The following USP7 variants were observed in gnomAD, a reference collection of about 807,000 sequenced individuals.
The protein encoded by USP7 is ubiquitin C-terminal hydrolase 7.
USP7 carries 9 observed loss-of-function variants against 162.9 expected under a neutral mutation model. The observed-to-expected ratio is 0.06, with a 90% CI of 0.03 to 0.10. USP7 has a LOEUF of 0.10. Ranked by LOEUF, USP7 falls within the 10% of genes least tolerant of loss-of-function variation. USP7 has a pLI of 1.00. For missense variants in USP7, 715 were observed against 1,373.7 expected, an observed-to-expected ratio of 0.52 and a Z score of 7.58; for synonymous variants, 562 against 475.9, an observed-to-expected ratio of 1.18 and a Z score of -2.35.
At chr16:8,945,444 T>C (rs927845538) in intron 1 of USP7, among the ~76,000 whole-genome samples, 2 of 152,204 alleles carry the variant, frequency 1.3e-5, no homozygotes, top group African/African-American at 2.4e-5. Context: ...AAAGGAAATC[T>C]TGTTTTATTT....
chr16:8,938,349 A>AG (rs1334237844), intron 1 of USP7, among the ~76,000 whole-genome samples: 12 of 151,858 alleles, frequency 7.9e-5, no homozygotes, highest in East Asian at 3.8e-4. Flanking sequence ...CAAAAAAAAA[A>AG]AAAGAAAGAA....
At chr16:8,938,104 TGCCA>T (rs1898851434) in intron 1 of USP7, among the ~76,000 whole-genome samples, 2 of 152,084 alleles carry the variant, frequency 1.3e-5, no homozygotes, top group African/African-American at 4.8e-5. Context: ...GCAAAGGCAC[TGCCA>T]CAAGAGGCCC....
chr16:8,922,539 A>T (rs1182941504), intron 3 of USP7, among the ~76,000 whole-genome samples: 1 of 152,074 alleles, frequency 6.6e-6, no homozygotes, highest in Non-Finnish European at 1.5e-5. Context: ...CACTCTGGGG[A>T]ACATGTTACT....
At chr16:8,914,608 G>T (rs1478137973) in intron 10 of USP7, among the ~76,000 whole-genome samples, 1 of 152,150 alleles carries the variant, frequency 6.6e-6, no homozygotes, top group Non-Finnish European at 1.5e-5. Context: ...TGTATCTCAT[G>T]AATGTGCTGG....
At chr16:8,944,648 T>C (rs1202019233) in intron 1 of USP7, among the ~76,000 whole-genome samples, 1 of 152,202 alleles carries the variant, frequency 6.6e-6, no homozygotes, top group Non-Finnish European at 1.5e-5. Context: ...TTTTTCTCTT[T>C]TGCACCATGT....
intron 12 of USP7, 103 bp from the exon 13 acceptor site, chr16:8,906,685 G>T: frequency 8.4e-7 from 1 of 1,195,396 alleles, no homozygotes; most frequent in Non-Finnish European, 1.2e-6. Context: ...ATCTTTAATA[G>T]GATAAGCATG....
intron 1 of USP7, among the ~76,000 whole-genome samples, chr16:8,933,304 T>G (rs927957010): frequency 1.5e-4 from 23 of 151,988 alleles, no homozygotes; most frequent in Non-Finnish European, 3.1e-4. Flanking sequence ...CCAGCACTTG[T>G]GGGGGGCCAA....
intron 2 of USP7, 70 bp from the exon 3 acceptor site, chr16:8,923,483 G>T: frequency 6.6e-7 from 1 of 1,514,032 alleles, no homozygotes; most frequent in South Asian, 1.2e-5. Context: ...TAATCGACAT[G>T]GAGTAAACTG....
At chr16:8,957,376 CTT>C (rs747214944) in intron 1 of USP7, among the ~76,000 whole-genome samples, 79 of 152,274 alleles carry the variant, frequency 5.2e-4, no homozygotes, top group Non-Finnish European at 6.2e-4. Context: ...TGTTACAACT[CTT>C]GTTCTCCAGG....
At position 8,963,261 on chromosome 16, in the gene USP7, G is replaced by T; in HGVS notation, c.25C>A (p.Gln9Lys). The T allele has an allele frequency of 7.4e-7, 1 of 1,359,420 alleles. No homozygotes were observed. Among genetic ancestry groups the T allele is most frequent in the South Asian group, 1.4e-5 (1 of 70,692 alleles). 84.2% of individuals were successfully genotyped at this position (1,359,420 alleles called of 1,614,324 possible). The change falls in exon 1 of 31, where the codon CAG (glutamine) becomes AAG (lysine). Residue 9 changes from glutamine to lysine, a missense_variant. Gln to Lys is a moderately conservative substitution (Grantham distance 53, BLOSUM62 1). Transcript: ENST00000344836. MNHQQQQQQQKAGEQQLSE... is the reference protein window; with the variant it reads MNHQQQQQKQKAGEQQLSE... ...AACTGCTGCTCGCCCGCTTTCTGCT[G>T]CTGCTGCTGCTGCTGGTGGTTCATG...
At position 8,923,272 on chromosome 16, in the gene USP7, C is replaced by A; in HGVS notation, c.326G>T (p.Arg109Ile). 1 of 1,484,996 alleles carries A rather than the reference C, an allele frequency of 6.7e-7. No homozygotes were observed. Among genetic ancestry groups the A allele is most frequent in the Non-Finnish European group, 9.0e-7 (1 of 1,113,422 alleles). The allele number at this position is 1,484,996 out of a possible 1,614,324, so 92.0% of individuals were successfully genotyped here. A position where few individuals can be genotyped will look rare whatever the true frequency, so the allele number is the denominator to read the frequency against. Residue 109 changes from arginine to isoleucine, a missense_variant, in exon 3 of 31, where the codon AGA becomes ATA. This residue lies in a region of USP7 where 35 missense variants were observed against 101.0 expected (regional missense o/e 0.35). Coordinates refer to ENST00000344836, the MANE Select transcript of USP7 (RefSeq NM_003470.3). ...IMVMPRFYPD[R>I]PHQKSVGFFL... Reference sequence around the variant, plus strand: ...GAATCCTACGCTTTTTTGGTGTGGTCTGTCTGGATAAAAGCGTGGCATCAC... The same window carrying A: ...GAATCCTACGCTTTTTTGGTGTGGTATGTCTGGATAAAAGCGTGGCATCAC...
At chr16:8,902,506 T>C (rs552572086) in intron 16 of USP7, 24 bp from the exon 17 acceptor site, 3 of 1,605,244 alleles carry the variant, frequency 1.9e-6, no homozygotes, top group Admixed American at 1.7e-5. Context: ...TAAGAGTAGA[T>C]TAAAATAAAA....
At chr16:8,904,348 G>C (rs553216480) in intron 15 of USP7, 87 bp downstream of exon 15, 2 of 1,561,508 alleles carry the variant, frequency 1.3e-6, no homozygotes, top group East Asian at 2.3e-5. Flanking sequence ...GGGAGTCCCA[G>C]AGGGGTGGGG....
chr16:8,900,294 C>T (rs976553788), intron 21 of USP7, among the ~76,000 whole-genome samples: 3 of 152,190 alleles, frequency 2.0e-5, no homozygotes, highest in Non-Finnish European at 4.4e-5. Flanking sequence ...CTAATAGTTG[C>T]CACGTGCACT....
At chr16:8,923,153 C>T (rs1897795715) in intron 3 of USP7, 62 bp downstream of exon 3, 3 of 278,294 alleles carry the variant, frequency 1.1e-5, no homozygotes, top group Non-Finnish European at 1.5e-5. Context: ...CAGCAAATAA[C>T]TTAAGATAAA....
chr16:8,938,240 A>G (rs1348573071), intron 1 of USP7, among the ~76,000 whole-genome samples: 1 of 152,048 alleles, frequency 6.6e-6, no homozygotes, highest in Non-Finnish European at 1.5e-5. Flanking sequence ...TTCCTGTAGG[A>G]CTGCTACTAC....
intron 12 of USP7, among the ~76,000 whole-genome samples, chr16:8,908,079 T>A (rs2061888584): frequency 6.6e-6 from 1 of 152,220 alleles, no homozygotes; most frequent in Admixed American, 6.5e-5. Flanking sequence ...CCTTGTGGAC[T>A]TAAATCAGCC....
intron 6 of USP7, among the ~76,000 whole-genome samples, chr16:8,918,563 C>T (rs1897506192): frequency 6.6e-6 from 1 of 152,096 alleles, no homozygotes; most frequent in South Asian, 2.1e-4. Context: ...TAATCTGAGC[C>T]CCTTGGGAAG....
At chr16:8,920,042 G>A (rs1434817321) in intron 5 of USP7, among the ~76,000 whole-genome samples, 2 of 152,164 alleles carry the variant, frequency 1.3e-5, no homozygotes, top group Admixed American at 6.5e-5. Context: ...TAACAACGGA[G>A]CATCTCTGCT....
Sources: allele counts gnomAD v4.1 joint callset (sites outside exome capture counted in the v4.1 genomes callset), GRCh38; gene constraint gnomAD v4.1.1; regional missense constraint gnomAD v4.1.1; transcripts MANE v1.5; gene names NCBI Gene and HGNC (gene_info 2026-07-23, HGNC 2026-07-21).